The following SVOPL variants were observed in gnomAD, a reference collection of about 807,000 sequenced individuals.
The protein encoded by SVOPL is putative transporter SVOPL.
A neutral mutation model predicts 61.0 loss-of-function variants in SVOPL; 60 were observed. The observed-to-expected ratio is 0.98, with a 90% CI of 0.80 to 1.22. The LOEUF is 1.22. Among genes scored for constraint, SVOPL ranks in the 50% most tolerant of loss-of-function variants. The pLI, the probability that SVOPL is intolerant of heterozygous loss-of-function variation, is 0.00. For missense variants in SVOPL, 662 were observed against 643.9 expected (o/e 1.03, Z -0.30); for synonymous variants, 279 against 250.0 (o/e 1.12, Z -1.09).
chr7:138,596,402 C>G lies in SVOPL; in HGVS notation c.1467+15G>C. 1 of 1,612,288 alleles carries G rather than the reference C, an allele frequency of 6.2e-7. No homozygotes were observed. Among genetic ancestry groups the G allele is most frequent in the Non-Finnish European group, 8.5e-7 (1 of 1,178,948 alleles). On this transcript the variant is annotated intron_variant, in intron 15 of 15. Transcript: ENST00000674285. ...TGGTAGTTGAAAAGACTTCAGAGTT[C>G]CCTGCATCACTCACCTGGAGGGCCC...
At chr7:138,660,561 T>G in intron 5 of SVOPL, 1 of 985,902 alleles carries the variant, frequency 1.0e-6, no homozygotes, top group Non-Finnish European at 1.2e-6. Flanking sequence ...TTCATACATG[T>G]AATATAATAC....
chr7:138,691,716 T>C (rs1439276431), intron 1 of SVOPL, among the ~76,000 whole-genome samples: 1 of 152,014 alleles, frequency 6.6e-6, no homozygotes, highest in Non-Finnish European at 1.5e-5. Flanking sequence ...AATTTTTGTA[T>C]TTTTAGTAGA....
chr7:138,611,883 G>C (rs1344844903), intron 14 of SVOPL, among the ~76,000 whole-genome samples: 3 of 71,116 alleles, frequency 4.2e-5, no homozygotes, highest in Non-Finnish European at 8.5e-5. Context: ...CCGCCACCCC[G>C]TCTGGGAGGT....
intron 9 of SVOPL, among the ~76,000 whole-genome samples, chr7:138,633,365 T>C (rs1003157572): frequency 1.3e-5 from 2 of 152,140 alleles, no homozygotes; most frequent in Non-Finnish European, 1.5e-5. Context: ...AAGGGCTTGG[T>C]GCCCTCCCTG....
At chr7:138,629,925 T>C in intron 10 of SVOPL, 124 bp downstream of exon 10, 1 of 723,742 alleles carries the variant, frequency 1.4e-6, no homozygotes, top group Non-Finnish European at 2.4e-6. Context: ...ACATTGCTTG[T>C]CTTTGTAGTA....
At chr7:138,641,382 C>A (rs1800774499) in intron 9 of SVOPL, among the ~76,000 whole-genome samples, 1 of 151,902 alleles carries the variant, frequency 6.6e-6, no homozygotes, top group South Asian at 2.1e-4. Context: ...AATGAAAAGA[C>A]AGCCTCAGCT....
At chr7:138,622,070 GTATC>G (rs200146144) in intron 13 of SVOPL, among the ~76,000 whole-genome samples, 5,740 of 20,898 alleles carry the variant, frequency 0.27, 241 homozygotes, top group Non-Finnish European at 0.28. Context: ...ATCTATCTAT[GTATC>G]TATCTATCTA....
intron 1 of SVOPL, among the ~76,000 whole-genome samples, chr7:138,693,854 A>G (rs1803007910): frequency 6.6e-6 from 1 of 152,156 alleles, no homozygotes; most frequent in Non-Finnish European, 1.5e-5. Context: ...AAGCTAAACA[A>G]AAAAACAATA....
At chr7:138,657,991 T>C (rs1218671621) in intron 6 of SVOPL, among the ~76,000 whole-genome samples, 2 of 152,208 alleles carry the variant, frequency 1.3e-5, no homozygotes, top group Non-Finnish European at 2.9e-5. Context: ...GAGTGTCTTT[T>C]GGCATGCTAA....
At chr7:138,617,685 A>T (rs1799361651) in intron 14 of SVOPL, among the ~76,000 whole-genome samples, 1 of 152,140 alleles carries the variant, frequency 6.6e-6, no homozygotes, top group Non-Finnish European at 1.5e-5. Context: ...AATTCAAAAA[A>T]ATTAGCCAGG....
chr7:138,681,323 CAT>C (rs1288024935), intron 1 of SVOPL, among the ~76,000 whole-genome samples: 1 of 147,928 alleles, frequency 6.8e-6, no homozygotes. Flanking sequence ...TATTATATAA[CAT>C]ATAATATTAA....
Position 138,596,481 on chromosome 7 carries a change from A to G in SVOPL, c.1403T>C (p.Val468Ala), listed in dbSNP as rs1356727788. 2.5e-6 allele frequency: 4 copies of G among 1,613,860 alleles called. No individual in the cohort carries two copies. The Admixed American group carries it at 5.0e-5, about 20-fold the overall frequency. Residue 468 changes from valine to alanine, a missense_variant, in exon 15 of 16, where the codon GTC becomes GCC. Coordinates refer to ENST00000674285, the MANE Select transcript of SVOPL (RefSeq NM_001139456.2). ...TGCAGAAATGGCGCATACAACACAGACAGATGAGAAGAGACACAGGGCCCC... is the reference window on the plus strand; with the variant it reads ...TGCAGAAATGGCGCATACAACACAGGCAGATGAGAAGAGACACAGGGCCCC... ...ILGALCLFSS[V>A]CVVCAISAFT...
chr7:138,652,611 A>G (rs1462565106), intron 7 of SVOPL, among the ~76,000 whole-genome samples: 1 of 79,380 alleles, frequency 1.3e-5, no homozygotes, highest in Non-Finnish European at 2.7e-5. Context: ...TGCAAAGGAA[A>G]AGTTCTTTTT....
At chr7:138,596,208 G>T (rs199935426) in intron 15 of SVOPL, among the ~76,000 whole-genome samples, 5 of 114,050 alleles carry the variant, frequency 4.4e-5, no homozygotes, top group Non-Finnish European at 7.8e-5. Flanking sequence ...AAAAAAAAAA[G>T]AAAGAAAAGT....
At chr7:138,614,238 TCTC>T (rs1206191685) in intron 14 of SVOPL, among the ~76,000 whole-genome samples, 2 of 152,086 alleles carry the variant, frequency 1.3e-5, no homozygotes, top group Non-Finnish European at 2.9e-5. Context: ...ATTAAGGAAT[TCTC>T]CTTCCTCCTA....
At chr7:138,672,649 T>TC (rs1244321127) in intron 3 of SVOPL, among the ~76,000 whole-genome samples, 1 of 113,698 alleles carries the variant, frequency 8.8e-6, no homozygotes, top group South Asian at 2.8e-4. Context: ...GTGTTTTTTT[T>TC]TGTGTTTAAA....
intron 1 of SVOPL, among the ~76,000 whole-genome samples, chr7:138,679,424 C>T (rs1390501135): frequency 6.6e-6 from 1 of 152,120 alleles, no homozygotes; most frequent in Non-Finnish European, 1.5e-5. Context: ...CATGCGTCAC[C>T]ATGCCTGGCT....
At chr7:138,596,847 CT>C in intron 14 of SVOPL, 2 of 1,105,028 alleles carry the variant, frequency 1.8e-6, no homozygotes, top group Non-Finnish European at 2.2e-6. Context: ...TCCCCACCCC[CT>C]TTCTCATACC....
chr7:138,644,698 C>T lies in SVOPL; in HGVS notation c.789+19G>A. On this transcript the variant is annotated intron_variant, in intron 9 of 15. Transcript: ENST00000674285. ...GTGGCCACTGGTGATAGGAGAAGAC[C>T]TCGGGGGCCAGCACTCACCAGGACG... 2 of 1,612,774 alleles carry T rather than the reference C, an allele frequency of 1.2e-6. No homozygotes were observed. Among genetic ancestry groups the T allele is most frequent in the Non-Finnish European group, 1.7e-6 (2 of 1,179,352 alleles).
Sources: gnomAD v4.1 joint callset for allele counts (sites outside exome capture counted in the v4.1 genomes callset) on GRCh38, gnomAD v4.1.1 for gene constraint, MANE v1.5 for transcripts, NCBI Gene and HGNC (gene_info 2026-07-23, HGNC 2026-07-21) for gene names.